Variants in ACOT12 observed in about 807,000 individuals in gnomAD.
ACOT12 encodes the protein acyl-CoA thioesterase 12.
In ACOT12, 51 loss-of-function variants were observed where a neutral mutation model predicts 67.7. That is an observed-to-expected ratio of 0.75 (90% confidence interval 0.60 to 0.95). ACOT12 has a LOEUF of 0.95. ACOT12 is among the 40% of genes least tolerant of loss of function. The pLI, the probability that ACOT12 is intolerant of heterozygous loss-of-function variation, is 0.00. For synonymous variants in ACOT12, 251 were observed against 244.6 expected, an observed-to-expected ratio of 1.03 and a Z score of -0.24; for missense variants, 734 against 708.1, an observed-to-expected ratio of 1.04 and a Z score of -0.41.
At chr5:81,372,256 C>A (rs1010194395) in intron 2 of ACOT12, among the ~76,000 whole-genome samples, 2 of 152,150 alleles carry the variant, frequency 1.3e-5, no homozygotes, top group Non-Finnish European at 1.5e-5. Context: ...TTTGTATGGG[C>A]CCTCAATGAT....
the ACOT12 span, among the ~76,000 whole-genome samples, chr5:81,314,096 T>G: frequency 5.2e-3 from 787 of 151,790 alleles, 3 homozygotes; most frequent in South Asian, 0.017. Context: ...GGATTACTTT[T>G]TGTGTGTGTG....
Position 81,343,804 on chromosome 5 carries a change from T to C in ACOT12, c.1044+14A>G, listed in dbSNP as rs1259936080. On this transcript the variant is annotated intron_variant, in intron 10 of 14. Coordinates refer to ENST00000307624, the MANE Select transcript of ACOT12 (RefSeq NM_130767.3). ...AGACTTTTATATGAAGAGCTCCAAA[T>C]CACAAAACATCACCTGCTTGCTGAT... 1.2e-6 allele frequency: 2 copies of C among 1,610,690 alleles called. No homozygotes were observed. Among genetic ancestry groups the C allele is most frequent in the Admixed American group, 1.7e-5 (1 of 59,036 alleles).
chr5:81,323,163 G>C, the ACOT12 span, among the ~76,000 whole-genome samples: 2 of 150,908 alleles, frequency 1.3e-5, no homozygotes, highest in African/African-American at 4.9e-5. Flanking sequence ...AGATCATATA[G>C]TTAACAAGGC....
At chr5:81,363,990 A>G (rs1313410404) in intron 3 of ACOT12, 101 bp from the exon 4 acceptor site, 2 of 610,750 alleles carry the variant, frequency 3.3e-6, no homozygotes, top group Non-Finnish European at 4.9e-6. Flanking sequence ...TTTCATTTTA[A>G]AAATGAAACC....
rs73134848 is a variant in ACOT12, at chr5:81,332,385, A to G, written c.1391+92T>C. ...ATAAACATAATTCAAGAGCAGAAATATCTACACAGACTTCATTATTTTCAC... is the reference window on the plus strand; with the variant it reads ...ATAAACATAATTCAAGAGCAGAAATGTCTACACAGACTTCATTATTTTCAC... On this transcript the variant is annotated intron_variant, in intron 13 of 14. Coordinates refer to ENST00000307624, the MANE Select transcript of ACOT12 (RefSeq NM_130767.3). The G allele has an allele frequency of 1.6e-3, 2,187 of 1,375,472 alleles. 25 individuals are homozygous for G. The African/African-American group carries it at 0.028, about 18-fold the overall frequency. The allele number at this position is 1,375,472 out of a possible 1,614,324, so 85.2% of individuals were successfully genotyped here. A position where few individuals can be genotyped will look rare whatever the true frequency, so the allele number is the denominator to read the frequency against.
chr5:81,360,623 G>A (rs928613754), intron 4 of ACOT12, among the ~76,000 whole-genome samples: 2 of 152,172 alleles, frequency 1.3e-5, no homozygotes, highest in African/African-American at 4.8e-5. Context: ...ACAGAACCAA[G>A]AGCTCAAATT....
chr5:81,353,433 T>C (rs919393379), intron 5 of ACOT12, among the ~76,000 whole-genome samples: 4 of 152,236 alleles, frequency 2.6e-5, no homozygotes, highest in African/African-American at 7.2e-5. Flanking sequence ...CTTAAAGTAC[T>C]GTGTCATCAA....
At chr5:81,380,999 T>C (rs1760566574) in intron 2 of ACOT12, among the ~76,000 whole-genome samples, 1 of 152,090 alleles carries the variant, frequency 6.6e-6, no homozygotes, top group South Asian at 2.1e-4. Context: ...CGTAACACAA[T>C]GGTAAGTATT....
chr5:81,335,794 C>T lies in ACOT12; in HGVS notation c.1236G>A (p.Lys412=), dbSNP rs1372357686. Residue 412 remains lysine, a synonymous_variant, in exon 12 of 15, where the codon AAG becomes AAA. Transcript: ENST00000307624. ...LAYRLLSDFT[K]RPLWDPHFVS... is the part of the protein sequence containing the mutation. ...CAAAATGGGGGTCCCACAAAGGTCG[C>T]TTTGTAAAGTCAGACAAGAGACGAT... 1.9e-6 allele frequency: 3 copies of T among 1,611,680 alleles called. No individual in the cohort carries two copies. The highest frequency in any genetic ancestry group is 2.5e-6 in the Non-Finnish European group (3 of 1,179,482).
chr5:81,386,995 A>G (rs6452404), intron 1 of ACOT12, among the ~76,000 whole-genome samples: 1 of 81,334 alleles, frequency 1.2e-5, no homozygotes, highest in South Asian at 3.5e-4. Context: ...GATGAGTTCC[A>G]TTTTTTTTTT....
chr5:81,311,069 T>C, the ACOT12 span: 1 of 783,114 alleles, frequency 1.3e-6, no homozygotes, highest in Non-Finnish European at 2.2e-6. Flanking sequence ...ATAGGAATAG[T>C]GGCACCTCCC....
At chr5:81,387,737 G>C (rs1760767510) in intron 1 of ACOT12, among the ~76,000 whole-genome samples, 1 of 151,908 alleles carries the variant, frequency 6.6e-6, no homozygotes, top group African/African-American at 2.4e-5. Context: ...TGGAGACAGG[G>C]TCTCATGATT....
downstream of ACOT12, among the ~76,000 whole-genome samples, chr5:81,327,221 C>CACATT (rs1561316352): frequency 3.1e-4 from 46 of 149,804 alleles, no homozygotes; most frequent in African/African-American, 1.1e-3. Flanking sequence ...CACACACACA[C>CACATT]ATATATATAC....
At chr5:81,381,360 C>A (rs1480557696) in intron 2 of ACOT12, among the ~76,000 whole-genome samples, 2 of 152,064 alleles carry the variant, frequency 1.3e-5, no homozygotes, top group Admixed American at 6.6e-5. Flanking sequence ...TGAGCCCCTG[C>A]ACCCGGCCAG....
intron 2 of ACOT12, among the ~76,000 whole-genome samples, chr5:81,379,537 C>T (rs1317592232): frequency 6.6e-6 from 1 of 151,968 alleles, no homozygotes; most frequent in Non-Finnish European, 1.5e-5. Context: ...AACAACACGT[C>T]ATTCACTGAG....
intron 1 of ACOT12, among the ~76,000 whole-genome samples, chr5:81,393,221 A>G (rs1468363923): frequency 6.6e-6 from 1 of 152,222 alleles, no homozygotes; most frequent in African/African-American, 2.4e-5. Context: ...CAGACCTTAG[A>G]GAGACTCGCC....
chr5:81,346,727 A>T (rs1759392752), intron 6 of ACOT12, among the ~76,000 whole-genome samples: 1 of 152,210 alleles, frequency 6.6e-6, no homozygotes, highest in African/African-American at 2.4e-5. Context: ...ATCTCATTTT[A>T]AAAACAAGCT....
intron 8 of ACOT12, 35 bp downstream of exon 8, chr5:81,344,856 G>A (rs201931529): frequency 5.6e-5 from 91 of 1,611,946 alleles, no homozygotes; most frequent in Non-Finnish European, 7.1e-5. Context: ...CTATTCACAG[G>A]TCCGGCTATT....
chr5:81,363,946 C>A, intron 3 of ACOT12, 57 bp from the exon 4 acceptor site: 1 of 1,277,268 alleles, frequency 7.8e-7, no homozygotes, highest in East Asian at 2.7e-5. Flanking sequence ...TTTCAGCATT[C>A]AAAATTTAGT....
Sources: gnomAD v4.1 joint callset for allele counts (sites outside exome capture counted in the v4.1 genomes callset) on GRCh38, gnomAD v4.1.1 for gene constraint, MANE v1.5 for transcripts, NCBI Gene and HGNC (gene_info 2026-07-23, HGNC 2026-07-21) for gene names.